The following TRIM23 variants were observed in gnomAD, a reference collection of about 807,000 sequenced individuals.
TRIM23 encodes the protein E3 ubiquitin-protein ligase TRIM23.
TRIM23 carries 27 observed loss-of-function variants against 71.0 expected under a neutral mutation model. The ratio of observed to expected loss-of-function variants is 0.38; its 90% CI spans 0.28 to 0.52. The LOEUF is 0.52. TRIM23 is among the 20% of genes least tolerant of loss of function. The probability of loss-of-function intolerance (pLI) is 0.84; values close to 1 mark genes in which losing one functional copy is unlikely to be tolerated. For synonymous variants in TRIM23, 234 were observed against 238.0 expected (o/e 0.98, Z 0.16); for missense variants, 482 against 692.3 (o/e 0.70, Z 3.41).
chr5:65,604,783 TAA>T (rs1193140902), intron 7 of TRIM23, 126 bp downstream of exon 7: 2 of 858,702 alleles, frequency 2.3e-6, no homozygotes, highest in Admixed American at 3.5e-5. Flanking sequence ...TTTCCACTGA[TAA>T]AAGTTTTCTT....
chr5:65,617,162 G>A (rs1252482681), intron 2 of TRIM23, among the ~76,000 whole-genome samples: 1 of 151,834 alleles, frequency 6.6e-6, no homozygotes, highest in Non-Finnish European at 1.5e-5. Flanking sequence ...TGTTATTACT[G>A]TCTATTAGTT....
chr5:65,610,760 CA>C, intron 5 of TRIM23, 100 bp downstream of exon 5: 4 of 986,696 alleles, frequency 4.1e-6, no homozygotes, highest in Non-Finnish European at 5.9e-6. Context: ...ATGATTGGTG[CA>C]ATACTGGCAA....
At chr5:65,594,884 T>TG (rs1342733469) in intron 9 of TRIM23, among the ~76,000 whole-genome samples, 2 of 152,202 alleles carry the variant, frequency 1.3e-5, no homozygotes. Flanking sequence ...TTACAACACT[T>TG]GCTCTATCAA....
At chr5:65,614,442 T>C (rs1268770775) in intron 2 of TRIM23, among the ~76,000 whole-genome samples, 1 of 152,162 alleles carries the variant, frequency 6.6e-6, no homozygotes, top group Non-Finnish European at 1.5e-5. Flanking sequence ...CTTTAAAATT[T>C]ATTATTTTTT....
intron 7 of TRIM23, among the ~76,000 whole-genome samples, chr5:65,600,622 TAA>T (rs34809421): frequency 2.6e-4 from 27 of 102,286 alleles, no homozygotes; most frequent in Non-Finnish European, 4.4e-4. Context: ...AAAAGCACAG[TAA>T]AAAAAAAAAA....
intron 1 of TRIM23, among the ~76,000 whole-genome samples, chr5:65,619,445 T>A (rs72762480): frequency 2.8e-3 from 426 of 152,244 alleles, no homozygotes; most frequent in Non-Finnish European, 4.8e-3. Flanking sequence ...AGTAAAATAA[T>A]TTAAAAACAA....
intron 6 of TRIM23, among the ~76,000 whole-genome samples, chr5:65,606,317 GC>G (rs1581182820): frequency 6.6e-6 from 1 of 151,914 alleles, no homozygotes; most frequent in Admixed American, 6.6e-5. Context: ...GTGGTGGCTT[GC>G]CCCTGTAGTC....
At chr5:65,602,665 T>C (rs915520758) in intron 7 of TRIM23, among the ~76,000 whole-genome samples, 6 of 152,294 alleles carry the variant, frequency 3.9e-5, no homozygotes, top group African/African-American at 1.4e-4. Flanking sequence ...AAAAGAGGTT[T>C]AATTGGACTT....
chr5:65,601,040 G>A (rs1754349692), intron 7 of TRIM23, among the ~76,000 whole-genome samples: 1 of 152,218 alleles, frequency 6.6e-6, no homozygotes, highest in Non-Finnish European at 1.5e-5. Context: ...CACCACTGGT[G>A]GAACTGTAAT....
rs573018734 is a variant in TRIM23 at position 65,614,933 on chromosome 5, T to C, written c.245-714A>G. Among the ~76,000 whole-genome samples the C allele has an allele frequency of 2.0e-5, 3 of 152,214 alleles. No homozygotes were observed. The South Asian group carries it at 6.2e-4, about 32-fold the overall frequency. ...TTTTTTTTGAGACAGAGTCTTGCTA[T>C]GTTGCCCAGGCTGGTGTGCAGTAGC... On this transcript the variant is annotated intron_variant, in intron 2 of 10. Transcript: ENST00000231524.
At chr5:65,605,107 A>C in intron 6 of TRIM23, 62 bp from the exon 7 acceptor site, 3 of 1,442,586 alleles carry the variant, frequency 2.1e-6, no homozygotes, top group Non-Finnish European at 2.8e-6. Context: ...AAAGAGACTT[A>C]TATTACCAAC....
At chr5:65,595,617 T>C (rs1754179642) in intron 9 of TRIM23, among the ~76,000 whole-genome samples, 2 of 151,486 alleles carry the variant, frequency 1.3e-5, no homozygotes, top group African/African-American at 4.9e-5. Flanking sequence ...TCCTAACTAC[T>C]TGGGAAGTTA....
intron 1 of TRIM23, among the ~76,000 whole-genome samples, chr5:65,623,747 ACT>A (rs1225818200): frequency 3.9e-5 from 6 of 152,192 alleles, no homozygotes; most frequent in African/African-American, 7.2e-5. Flanking sequence ...TCTGCCACAC[ACT>A]GTTTACCTAA....
chr5:65,619,820 G>A (rs1443339835), intron 1 of TRIM23, among the ~76,000 whole-genome samples: 1 of 152,196 alleles, frequency 6.6e-6, no homozygotes, highest in Admixed American at 6.5e-5. Flanking sequence ...GGTGGTTCAT[G>A]CCTGTAATCC....
chr5:65,599,267 TA>T (rs1754297808), intron 7 of TRIM23, among the ~76,000 whole-genome samples: 1 of 152,110 alleles, frequency 6.6e-6, no homozygotes, highest in East Asian at 1.9e-4. Flanking sequence ...ACATTAATGA[TA>T]AAAATCCCAA....
chr5:65,617,774 T>C (rs1018806429), intron 2 of TRIM23, among the ~76,000 whole-genome samples: 1 of 152,238 alleles, frequency 6.6e-6, no homozygotes, highest in African/African-American at 2.4e-5. Context: ...ATTGGGTTTA[T>C]GGCTTCAGGC....
rs921659308 is a variant in TRIM23 at position 65,594,377 on chromosome 5, A to G, written c.1545+144T>C. The G allele has an allele frequency of 4.5e-6, 5 of 1,120,524 alleles. No homozygotes were observed. The African/African-American group carries it at 7.9e-5, about 18-fold the overall frequency. The allele number at this position is 1,120,524 out of a possible 1,614,324, so 69.4% of individuals were successfully genotyped here. A position where few individuals can be genotyped will look rare whatever the true frequency, so the allele number is the denominator to read the frequency against. On this transcript the variant is annotated intron_variant, in intron 10 of 10. Transcript: ENST00000231524. ...TTGTATACTCCCAGGTACCCAGCAC[A>G]GCATTTTCACATAGATTGTACTCAA...
chr5:65,603,943 T>C (rs565103242), intron 7 of TRIM23, among the ~76,000 whole-genome samples: 2 of 146,310 alleles, frequency 1.4e-5, no homozygotes, highest in African/African-American at 5.2e-5. Context: ...ACTTTTTTGG[T>C]GTAATAATGA....
Position 65,590,296 on chromosome 5 carries a change from CTTTT to C in TRIM23, c.*1469_*1472del, listed in dbSNP as rs756310729. 1 of 1,393,292 alleles carries C rather than the reference CTTTT, an allele frequency of 7.2e-7. No individual in the cohort carries two copies. The highest frequency in any genetic ancestry group is 1.0e-6 in the Non-Finnish European group (1 of 1,002,150). The allele number at this position is 1,393,292 out of a possible 1,614,324, so 86.3% of individuals were successfully genotyped here. ...CAAACTACACCTGTAACAGCATGAC[CTTTT>C]ACCTGAAAAATAAAGGATGAAATAT... On this transcript the variant is annotated 3_prime_UTR_variant, in exon 11 of 11. Coordinates refer to ENST00000231524, the MANE Select transcript of TRIM23 (RefSeq NM_001656.4).
Sources: allele counts gnomAD v4.1 joint callset (sites outside exome capture counted in the v4.1 genomes callset), GRCh38; gene constraint gnomAD v4.1.1; transcripts MANE v1.5; gene names NCBI Gene and HGNC (gene_info 2026-07-23, HGNC 2026-07-21).